The following NAPB variants were observed in gnomAD, a reference collection of about 807,000 sequenced individuals.
The protein encoded by NAPB is beta-soluble NSF attachment protein.
Under a neutral mutation model 44.7 loss-of-function variants are expected in NAPB, and 26 were observed. The ratio of observed to expected loss-of-function variants is 0.58; its 90% confidence interval spans 0.43 to 0.81. The LOEUF (loss-of-function observed/expected upper bound fraction) is 0.81. NAPB is among the 30% of genes least tolerant of loss of function. NAPB has a pLI of 0.00. For synonymous variants in NAPB, 120 were observed against 116.8 expected, an observed-to-expected ratio of 1.03 and a Z score of -0.18; for missense variants, 315 against 356.4, an observed-to-expected ratio of 0.88 and a Z score of 0.94.
chr20:23,388,175 C>G (rs902907746), intron 7 of NAPB, among the ~76,000 whole-genome samples: 5 of 152,056 alleles, frequency 3.3e-5, no homozygotes, highest in Non-Finnish European at 7.4e-5. Context: ...CTTCAGAATG[C>G]AGATCTTAGG....
chr20:23,382,848 AG>A (rs1210084483), intron 7 of NAPB, among the ~76,000 whole-genome samples: 6 of 152,146 alleles, frequency 3.9e-5, no homozygotes, highest in Non-Finnish European at 8.8e-5. Flanking sequence ...GTGTTCTAGA[AG>A]GGGAGGAGAA....
At chr20:23,378,503 G>A (rs1281819099) in intron 10 of NAPB, among the ~76,000 whole-genome samples, 2 of 150,226 alleles carry the variant, frequency 1.3e-5, no homozygotes, top group African/African-American at 2.4e-5. Flanking sequence ...ATGCAATGGC[G>A]TGATCTTGGC....
chr20:23,406,147 G>A (rs1015622256), intron 1 of NAPB, among the ~76,000 whole-genome samples: 2 of 152,150 alleles, frequency 1.3e-5, no homozygotes, highest in African/African-American at 2.4e-5. Context: ...GATACCAGAC[G>A]CTGGTGCCTT....
rs759556276 is a variant in NAPB at position 23,377,354 on chromosome 20, A to C, written c.*22T>G. 1 of 1,506,644 alleles carries C rather than the reference A, an allele frequency of 6.6e-7. No homozygotes were observed. Among genetic ancestry groups the C allele is most frequent in the African/African-American group, 1.4e-5 (1 of 73,000 alleles). 93.3% of individuals were successfully genotyped at this position (1,506,644 alleles called of 1,614,324 possible). On this transcript the variant is annotated 3_prime_UTR_variant, in exon 11 of 11. Transcript: ENST00000377026. The stretch of plus-strand genomic sequence containing the variant: ...ACAAAACTAAAGAGGAGTTAGCTGC[A>C]TGCCACAAAGACAAAAACATTTCAT...
intron 1 of NAPB, 72 bp from the exon 2 acceptor site, chr20:23,403,144 A>AT: frequency 9.3e-7 from 1 of 1,080,136 alleles, no homozygotes; most frequent in Non-Finnish European, 1.4e-6. Context: ...CAAATGATTA[A>AT]CATTTAGTAT....
In NAPB at chr20:23,401,249, C is replaced by CT. The variant is rs766148038; in HGVS notation, c.178+1743dup. 3.9e-5 allele frequency among the ~76,000 whole-genome samples: 6 copies of CT among 152,204 alleles called. 1 individual carries two copies. Among genetic ancestry groups the CT allele is most frequent in the Admixed American group, 3.3e-4 (5 of 15,280 alleles). ...TCTTATTTGGAATGATATGACCTTA[C>CT]TTAACTTGTGTTACGTTACTTCATT... On this transcript the variant is annotated intron_variant, in intron 2 of 10. Coordinates refer to ENST00000377026, the MANE Select transcript of NAPB (RefSeq NM_022080.3).
At chr20:23,393,335 T>G (rs1984111190) in intron 5 of NAPB, among the ~76,000 whole-genome samples, 1 of 152,192 alleles carries the variant, frequency 6.6e-6, no homozygotes, top group African/African-American at 2.4e-5. Context: ...TAATAAATTT[T>G]ATGTAACAAA....
intron 2 of NAPB, among the ~76,000 whole-genome samples, chr20:23,399,914 A>AT (rs1984700789): frequency 6.6e-6 from 1 of 152,194 alleles, no homozygotes; most frequent in Non-Finnish European, 1.5e-5. Context: ...GCCTTAGATC[A>AT]TATCTGTGGT....
intron 5 of NAPB, among the ~76,000 whole-genome samples, chr20:23,391,288 G>T (rs1983939365): frequency 6.6e-6 from 1 of 152,156 alleles, no homozygotes; most frequent in South Asian, 2.1e-4. Flanking sequence ...TCCAGCCTGG[G>T]TGACAAGAGT....
chr20:23,394,765 C>A (rs1044263987), intron 5 of NAPB, among the ~76,000 whole-genome samples, 157 bp downstream of exon 5: 1 of 152,202 alleles, frequency 6.6e-6, no homozygotes, highest in African/African-American at 2.4e-5. Context: ...AACAGCCCAT[C>A]TACTTAGCCA....
intron 1 of NAPB, among the ~76,000 whole-genome samples, chr20:23,410,986 C>T (rs573520146): frequency 1.4e-4 from 21 of 152,082 alleles, no homozygotes; most frequent in South Asian, 8.3e-4. Flanking sequence ...TTATAGCATA[C>T]CTAAGGGGAA....
chr20:23,383,477 G>T (rs1983208101), intron 7 of NAPB, among the ~76,000 whole-genome samples: 1 of 152,188 alleles, frequency 6.6e-6, no homozygotes, highest in African/African-American at 2.4e-5. Context: ...AGCACTTTGG[G>T]AGGCTGAGGT....
intron 1 of NAPB, among the ~76,000 whole-genome samples, chr20:23,404,052 TA>T (rs1985059578): frequency 6.6e-6 from 1 of 152,186 alleles, no homozygotes; most frequent in South Asian, 2.1e-4. Context: ...CAAAGTTCTT[TA>T]CCAAGCAGCT....
intron 3 of NAPB, 105 bp from the exon 4 acceptor site, chr20:23,395,290 A>G: frequency 2.5e-6 from 3 of 1,198,042 alleles, no homozygotes; most frequent in Non-Finnish European, 3.6e-6. Flanking sequence ...ATGAGGTATA[A>G]TTTTGGAGTG....
In NAPB at chr20:23,385,763, AAG is replaced by A. The variant is rs11468639; in HGVS notation, c.561+4181_561+4182del. Among the ~76,000 whole-genome samples, 424 of 148,624 alleles carry A rather than the reference AAG, an allele frequency of 2.9e-3. 6 individuals are homozygous for A. Among genetic ancestry groups the A allele is most frequent in the Admixed American group, 2.0e-3 (30 of 14,918 alleles). ...AGAAAGAGAGAGAGAGAAAGAGAGA[AAG>A]AGAGAGAGAGAGAGAGAGAAAGAGA... On this transcript the variant is annotated intron_variant, in intron 7 of 10. Coordinates refer to ENST00000377026, the MANE Select transcript of NAPB (RefSeq NM_022080.3).
chr20:23,376,186 C>A lies in NAPB; in HGVS notation c.*1190G>T, dbSNP rs1362843390. The A allele has an allele frequency of 6.6e-6, 1 of 152,146 alleles. No homozygotes were observed. Among genetic ancestry groups the A allele is most frequent in the South Asian group, 2.1e-4 (1 of 4,822 alleles). 9.4% of individuals were successfully genotyped at this position (152,146 alleles called of 1,614,324 possible). ...ATTCAGAGGACATTCAGGAGACAAG[C>A]GTATGTCTAAAGTACAATATCAGCA... On this transcript the variant is annotated 3_prime_UTR_variant, in exon 11 of 11. Coordinates refer to ENST00000377026, the MANE Select transcript of NAPB (RefSeq NM_022080.3).
At position 23,381,298 on chromosome 20, in the gene NAPB, T is replaced by C; in HGVS notation, c.581A>G (p.Asp194Gly). ...TGCACTGTATTTCAACAAAGGATTA[T>C]CCATTGTGTTTGCCCCAACCTAGGC... ...IYEQVGANTM[D>G]NPLLKYSAKD... Residue 194 changes from aspartate to glycine, a missense_variant, in exon 8 of 11, where the codon GAT (aspartate) becomes GGT (glycine). Physicochemically the swap from Asp to Gly is moderately conservative, Grantham distance 94. This residue lies in a region of NAPB where 120 missense variants were observed against 130.5 expected (regional missense o/e 0.92). Transcript: ENST00000377026. The C allele has an allele frequency of 1.3e-6, 2 of 1,593,404 alleles. No individual in the cohort carries two copies. Among genetic ancestry groups the C allele is most frequent in the South Asian group, 1.1e-5 (1 of 88,466 alleles).
Position 23,421,330 on chromosome 20 carries a change from G to C in NAPB, c.73C>G (p.His25Asp), listed in dbSNP as rs1317657054. ...CCAAACAGCCCTCGGAGGAAGGAGT[G>C]GGAGGCCTTGACTCGCTTCTCGGCC... ...AEAEKRVKAS[H>D]SFLRGLFGGN... Residue 25 changes from histidine to aspartate, a missense_variant, in exon 1 of 11, where the codon CAC becomes GAC. This residue lies in a region of NAPB where 179 missense variants were observed against 182.5 expected (regional missense o/e 0.98). Transcript: ENST00000377026. 3 of 1,564,436 alleles carry C rather than the reference G, an allele frequency of 1.9e-6. No homozygotes were observed. The South Asian group carries it at 3.5e-5, about 18-fold the overall frequency.
chr20:23,405,653 G>C (rs546804795), intron 1 of NAPB, among the ~76,000 whole-genome samples: 7 of 152,316 alleles, frequency 4.6e-5, no homozygotes, highest in East Asian at 3.9e-4. Context: ...GAACCTGGGA[G>C]GCGGAGGATG....
Sources: allele counts gnomAD v4.1 joint callset (sites outside exome capture counted in the v4.1 genomes callset), GRCh38; gene constraint gnomAD v4.1.1; regional missense constraint gnomAD v4.1.1; transcripts MANE v1.5; gene names NCBI Gene and HGNC (gene_info 2026-07-23, HGNC 2026-07-21).